TOP3A: variants seen among roughly 807,000 people sequenced by gnomAD.
TOP3A encodes the protein DNA topoisomerase III alpha.
TOP3A carries 64 observed loss-of-function variants against 111.3 expected under a neutral mutation model. The ratio of observed to expected loss-of-function variants is 0.57; its 90% CI spans 0.47 to 0.71. TOP3A has a LOEUF of 0.71. Among genes scored for constraint, TOP3A ranks in the 30% least tolerant of loss-of-function variants. TOP3A has a pLI of 0.00. For missense variants in TOP3A, 1,104 were observed against 1,285.0 expected (o/e 0.86, Z 2.15); for synonymous variants, 484 against 485.1 (o/e 1.00, Z 0.03).
chr17:18,278,450 C>T, intron 17 of TOP3A, 93 bp from the exon 18 acceptor site: 1 of 1,199,424 alleles, frequency 8.3e-7, no homozygotes, highest in Non-Finnish European at 1.1e-6. Flanking sequence ...AGGCCTCTCT[C>T]CACCATTCCT....
At chr17:18,284,174 A>AT (rs34810719) in intron 15 of TOP3A, among the ~76,000 whole-genome samples, 32,468 of 126,828 alleles carry the variant, frequency 0.26, 3,860 homozygotes, top group Middle Eastern at 0.33. Context: ...TAATTTTTGT[A>AT]TTTTTTTTTT....
chr17:18,297,657 G>A (rs1374648359), intron 9 of TOP3A, among the ~76,000 whole-genome samples: 10 of 152,066 alleles, frequency 6.6e-5, no homozygotes, highest in African/African-American at 1.7e-4. Flanking sequence ...GCTCCTAACC[G>A]CTAGTGATCC....
intron 5 of TOP3A, 85 bp downstream of exon 5, chr17:18,305,027 C>T (rs1019852643): frequency 5.4e-6 from 6 of 1,110,422 alleles, no homozygotes; most frequent in Non-Finnish European, 8.2e-6. Flanking sequence ...GGACCTCATC[C>T]GTGGCCCATG....
rs574422988 is a variant in TOP3A, at chr17:18,299,418, G to A, written c.990+141C>T. 18 of 761,308 alleles carry A rather than the reference G, an allele frequency of 2.4e-5. 1 individual carries two copies. The highest frequency in any genetic ancestry group is 7.5e-5 in the South Asian group (5 of 66,428). 47.2% of individuals were successfully genotyped at this position (761,308 alleles called of 1,614,324 possible). On this transcript the variant is annotated intron_variant, in intron 9 of 18. Coordinates refer to ENST00000321105, the MANE Select transcript of TOP3A (RefSeq NM_004618.5). ...ACAAACAGTGAGGCTAAGCAGGACC[G>A]TGTCTTTCTCCAGTGTTTTCTTGTG...
chr17:18,305,506 A>G (rs28362000), intron 4 of TOP3A, among the ~76,000 whole-genome samples: 3 of 143,602 alleles, frequency 2.1e-5, no homozygotes, highest in East Asian at 2.1e-4. Flanking sequence ...GCGCGCGCGC[A>G]CGCACACTTC....
Position 18,271,624 on chromosome 17 carries a change from G to A in TOP3A, c.*3178C>T, listed in dbSNP as rs1978998822. 3 of 288,850 alleles carry A rather than the reference G, an allele frequency of 1.0e-5. No individual in the cohort carries two copies. Among genetic ancestry groups the A allele is most frequent in the Non-Finnish European group, 2.1e-5 (3 of 145,660 alleles). 17.9% of individuals were successfully genotyped at this position (288,850 alleles called of 1,614,324 possible). A position where few individuals can be genotyped will look rare whatever the true frequency, so the allele number is the denominator to read the frequency against. Reference sequence around the variant, plus strand: ...TGTCTGATCTCAGATGCCTGGCCCAGTCCATGGTGCAGCCCAATCCTGCAG... The same window carrying A: ...TGTCTGATCTCAGATGCCTGGCCCAATCCATGGTGCAGCCCAATCCTGCAG... On this transcript the variant is annotated 3_prime_UTR_variant, in exon 19 of 19. Transcript: ENST00000321105.
intron 13 of TOP3A, among the ~76,000 whole-genome samples, chr17:18,286,513 C>T (rs1383636370): frequency 6.6e-6 from 1 of 152,028 alleles, no homozygotes; most frequent in Non-Finnish European, 1.5e-5. Context: ...GAGACTCCAC[C>T]TCAACAATAA....
chr17:18,298,261 G>A (rs1167311223), intron 9 of TOP3A, among the ~76,000 whole-genome samples: 7 of 146,264 alleles, frequency 4.8e-5, no homozygotes, highest in African/African-American at 1.5e-4. Context: ...AAGCCCCTCC[G>A]CCCAGCAGCC....
chr17:18,310,310 C>G (rs1364853543), intron 1 of TOP3A, among the ~76,000 whole-genome samples: 1 of 151,886 alleles, frequency 6.6e-6, no homozygotes, highest in Non-Finnish European at 1.5e-5. Flanking sequence ...CCTGTAATCC[C>G]AGCTACTTGG....
chr17:18,285,296 T>A lies in TOP3A; in HGVS notation c.1723A>T (p.Met575Leu), dbSNP rs372121045. 1 of 1,614,106 alleles carries A rather than the reference T, an allele frequency of 6.2e-7. No homozygotes were observed. Among genetic ancestry groups the A allele is most frequent in the South Asian group, 1.1e-5 (1 of 91,082 alleles). Residue 575 changes from methionine (M) to leucine (L), a missense_variant, in exon 15 of 19, where the codon ATG becomes TTG. Met to Leu is a conservative substitution (Grantham distance 15, BLOSUM62 2). Transcript: ENST00000321105. ...GMGLVEGYDS[M>L]GYEMSKPDLR... ...TCAGGCTTAGACATTTCATAGCCCATGGAATCATAACCTGCAGGGAGAGAG... is the reference window on the plus strand; with the variant it reads ...TCAGGCTTAGACATTTCATAGCCCAAGGAATCATAACCTGCAGGGAGAGAG...
At chr17:18,298,032 G>A (rs1481053979) in intron 9 of TOP3A, among the ~76,000 whole-genome samples, 7 of 147,904 alleles carry the variant, frequency 4.7e-5, no homozygotes, top group South Asian at 2.1e-4. Context: ...GTCTCTGCCC[G>A]GCCGCCCATC....
rs368390261 is a variant in TOP3A at position 18,311,031 on chromosome 17, CA to C, written c.181-2091del. Among the ~76,000 whole-genome samples the C allele has an allele frequency of 7.6e-3, 1,134 of 150,108 alleles. 10 individuals carry two copies. Among genetic ancestry groups the C allele is most frequent in the Middle Eastern group, 0.038 (11 of 290 alleles). On this transcript the variant is annotated intron_variant, in intron 1 of 18. Coordinates refer to ENST00000321105, the MANE Select transcript of TOP3A (RefSeq NM_004618.5). ...TTTTTTTTTTTTTGAGACAGAGTCT[CA>C]CTCTGTTGCCCAGGCTGGAGTGCAG...
In TOP3A at chr17:18,302,332, A is replaced by C; in HGVS notation, c.746T>G (p.Leu249Arg). Residue 249 changes from leucine (L) to arginine (R), a missense_variant, in exon 7 of 19, where the codon CTG (leucine) becomes CGG (arginine). Transcript: ENST00000321105. Reference sequence around the variant, plus strand: ...TTTGAACCGCTCCACCACAAAGCCCAGTGTGGGGAACTGGCAGCTGCCGTA... The same window carrying C: ...TTTGAACCGCTCCACCACAAAGCCCCGTGTGGGGAACTGGCAGCTGCCGTA... ...ISYGSCQFPTLGFVVERFKAI... is the reference protein window; with the variant it reads ...ISYGSCQFPTRGFVVERFKAI... 1 of 1,613,288 alleles carries C rather than the reference A, an allele frequency of 6.2e-7. No homozygotes were observed. The highest frequency in any genetic ancestry group is 8.5e-7 in the Non-Finnish European group (1 of 1,180,020).
chr17:18,310,660 C>A (rs1981855986), intron 1 of TOP3A, among the ~76,000 whole-genome samples: 1 of 151,944 alleles, frequency 6.6e-6, no homozygotes, highest in Non-Finnish European at 1.5e-5. Flanking sequence ...ATGAGGCTTC[C>A]TCTTGGGGTG....
At chr17:18,309,942 C>T (rs974817464) in intron 1 of TOP3A, among the ~76,000 whole-genome samples, 3 of 151,070 alleles carry the variant, frequency 2.0e-5, no homozygotes, top group Non-Finnish European at 2.9e-5. Context: ...AATCTCCTGA[C>T]CTCGTGATCC....
At chr17:18,306,074 C>T (rs1235475602) in intron 4 of TOP3A, among the ~76,000 whole-genome samples, 4 of 152,080 alleles carry the variant, frequency 2.6e-5, no homozygotes, top group African/African-American at 4.8e-5. Flanking sequence ...TGGTGGCAGG[C>T]GCCTGTAATC....
rs1319503970 is a variant in TOP3A, at chr17:18,274,847, G to A, written c.2961C>T (p.Cys987=). The A allele has an allele frequency of 1.9e-6, 3 of 1,614,208 alleles. No homozygotes were observed. The highest frequency in any genetic ancestry group is 1.1e-5 in the South Asian group (1 of 91,082). The part of the protein sequence containing the change: ...TAKKPRKCSL[C]HQPGHTRPFC... Reference sequence around the variant, plus strand: ...AGGGACGGGTGTGTCCAGGCTGGTGGCAAAGGCTGCATTTCCGGGGTTTCT... The same window carrying A: ...AGGGACGGGTGTGTCCAGGCTGGTGACAAAGGCTGCATTTCCGGGGTTTCT... Residue 987 remains cysteine, a synonymous_variant, in exon 19 of 19, where the codon TGC becomes TGT. Coordinates refer to ENST00000321105, the MANE Select transcript of TOP3A (RefSeq NM_004618.5).
rs755701145 is a variant in TOP3A, at chr17:18,302,550, G to C, written c.643+30C>G. On this transcript the variant is annotated intron_variant, in intron 6 of 18. Transcript: ENST00000321105. ...GGTCCCATAACACAACATTAATGTGGCCATGGGAGAGGTCTGCCTAGCTCC... is the reference window on the plus strand; with the variant it reads ...GGTCCCATAACACAACATTAATGTGCCCATGGGAGAGGTCTGCCTAGCTCC... 10 of 1,610,220 alleles carry C rather than the reference G, an allele frequency of 6.2e-6. No individual in the cohort carries two copies. The South Asian group carries it at 1.1e-4, about 18-fold the overall frequency.
chr17:18,308,239 A>G (rs1274856925), intron 3 of TOP3A, 112 bp downstream of exon 3: 1 of 103,968 alleles, frequency 9.6e-6, no homozygotes, highest in East Asian at 9.8e-5. Context: ...AAAAAAAAAA[A>G]AAAAAAAAAA....
Sources: gnomAD v4.1 joint callset for allele counts (sites outside exome capture counted in the v4.1 genomes callset) on GRCh38, gnomAD v4.1.1 for gene constraint, MANE v1.5 for transcripts, NCBI Gene and HGNC (gene_info 2026-07-23, HGNC 2026-07-21) for gene names.